XKR6: variants seen among roughly 807,000 people sequenced by gnomAD.
The protein encoded by XKR6 is XK related 6.
A neutral mutation model predicts 56.7 loss-of-function variants in XKR6; 22 were observed. The ratio of observed to expected loss-of-function variants is 0.39; its 90% CI spans 0.28 to 0.55. XKR6 has a LOEUF of 0.55. XKR6 is among the 20% of genes least tolerant of loss of function. XKR6 has a pLI of 0.66. For missense variants in XKR6, 852 were observed against 889.0 expected, an observed-to-expected ratio of 0.96 and a Z score of 0.53; for synonymous variants, 524 against 387.8, an observed-to-expected ratio of 1.35 and a Z score of -4.13.
chr8:11,043,280 G>A (rs1008655325), intron 1 of XKR6, among the ~76,000 whole-genome samples: 2 of 152,140 alleles, frequency 1.3e-5, no homozygotes, highest in African/African-American at 4.8e-5. Flanking sequence ...AGGATGCGAG[G>A]TGGGGTGTTG....
intron 1 of XKR6, among the ~76,000 whole-genome samples, chr8:11,093,417 C>T (rs994428832): frequency 3.9e-5 from 6 of 152,280 alleles, no homozygotes; most frequent in East Asian, 1.9e-4. Context: ...GCCCTTAGCA[C>T]GAAGATGGCT....
intron 1 of XKR6, chr8:11,104,894 CAT>C (rs1798619987): frequency 1.3e-5 from 2 of 152,324 alleles, no homozygotes; most frequent in Admixed American, 1.3e-4. Context: ...TGCTTTTTCA[CAT>C]ATAACTTTTG....
At chr8:10,921,337 T>C (rs1800709840) in intron 2 of XKR6, among the ~76,000 whole-genome samples, 1 of 152,190 alleles carries the variant, frequency 6.6e-6, no homozygotes, top group Non-Finnish European at 1.5e-5. Context: ...TGCCAGCCCA[T>C]AAACTCCTGA....
At chr8:10,908,607 T>C (rs1800250809) in intron 2 of XKR6, among the ~76,000 whole-genome samples, 1 of 152,146 alleles carries the variant, frequency 6.6e-6, no homozygotes, top group Admixed American at 6.5e-5. Context: ...AAATGTCACC[T>C]TCTCACCAAG....
At chr8:11,092,727 G>C (rs1798117634) in intron 1 of XKR6, among the ~76,000 whole-genome samples, 1 of 152,192 alleles carries the variant, frequency 6.6e-6, no homozygotes, top group African/African-American at 2.4e-5. Flanking sequence ...GGCTTCTGGA[G>C]GAATCTTGGC....
intron 1 of XKR6, among the ~76,000 whole-genome samples, chr8:11,069,098 G>A (rs535450186): frequency 9.2e-5 from 14 of 152,138 alleles, no homozygotes; most frequent in African/African-American, 2.2e-4. Flanking sequence ...AGCTGAGACC[G>A]ATACCACAAT....
chr8:10,946,054 C>G (rs529766260), intron 1 of XKR6, among the ~76,000 whole-genome samples: 1 of 151,892 alleles, frequency 6.6e-6, no homozygotes, highest in Non-Finnish European at 1.5e-5. Context: ...GAGTTGTGAC[C>G]GCTGCCATGC....
chr8:11,167,907 A>C (rs1802167548), intron 1 of XKR6, among the ~76,000 whole-genome samples: 2 of 151,276 alleles, frequency 1.3e-5, no homozygotes, highest in South Asian at 2.1e-4. Context: ...AAAAAAAAAA[A>C]AAAAACCACA....
intron 1 of XKR6, among the ~76,000 whole-genome samples, chr8:11,009,320 G>A (rs544558171): frequency 6.6e-6 from 1 of 152,164 alleles, no homozygotes; most frequent in Non-Finnish European, 1.5e-5. Flanking sequence ...AGACCGGCCT[G>A]GGTAACATGG....
intron 1 of XKR6, among the ~76,000 whole-genome samples, chr8:10,925,740 G>A (rs1050429609): frequency 6.6e-5 from 10 of 152,290 alleles, no homozygotes; most frequent in Non-Finnish European, 1.2e-4. Context: ...GCATCGCAGG[G>A]TGCATGGGAA....
At chr8:10,966,124 G>C (rs979684538) in intron 1 of XKR6, among the ~76,000 whole-genome samples, 1 of 152,196 alleles carries the variant, frequency 6.6e-6, no homozygotes, top group South Asian at 2.1e-4. Context: ...GCACAGCAGC[G>C]GTTCTCAAAC....
chr8:11,176,661 C>T (rs1191783304), intron 1 of XKR6, among the ~76,000 whole-genome samples: 2 of 152,138 alleles, frequency 1.3e-5, no homozygotes, highest in Admixed American at 1.3e-4. Flanking sequence ...AAGTCGGCCC[C>T]AGCCACTCTG....
chr8:11,058,964 G>A (rs1212740368), intron 1 of XKR6, among the ~76,000 whole-genome samples: 1 of 152,252 alleles, frequency 6.6e-6, no homozygotes, highest in Non-Finnish European at 1.5e-5. Context: ...TTCGCAGCCA[G>A]GTGGGTGGGA....
intron 1 of XKR6, among the ~76,000 whole-genome samples, chr8:11,174,839 C>A (rs563665467): frequency 6.6e-6 from 1 of 152,182 alleles, no homozygotes; most frequent in Admixed American, 6.5e-5. Flanking sequence ...GGATGATCAA[C>A]GGACCCCTTC....
chr8:11,103,776 T>C (rs960603127), intron 1 of XKR6, among the ~76,000 whole-genome samples: 24 of 152,208 alleles, frequency 1.6e-4, no homozygotes, highest in African/African-American at 5.1e-4. Flanking sequence ...AAACTGCAAA[T>C]CGACACAATT....
chr8:10,994,274 C>T (rs1277181482), intron 1 of XKR6, among the ~76,000 whole-genome samples: 1 of 152,226 alleles, frequency 6.6e-6, no homozygotes, highest in Non-Finnish European at 1.5e-5. Context: ...TTTTGAGTTG[C>T]TGCACTGTCT....
intron 1 of XKR6, chr8:11,106,593 A>C (rs1343096923): frequency 1.3e-5 from 2 of 152,474 alleles, no homozygotes; most frequent in Non-Finnish European, 2.9e-5. Flanking sequence ...TCATGCCTGT[A>C]ATCCCAGCAC....
intron 1 of XKR6, among the ~76,000 whole-genome samples, chr8:10,939,259 A>G (rs1203478090): frequency 1.3e-5 from 2 of 152,228 alleles, no homozygotes; most frequent in African/African-American, 2.4e-5. Context: ...GAGCCCTGGC[A>G]GAGAAGAATC....
intron 1 of XKR6, among the ~76,000 whole-genome samples, chr8:11,111,223 C>A (rs534106923): frequency 6.6e-6 from 1 of 152,138 alleles, no homozygotes; most frequent in South Asian, 2.1e-4. Flanking sequence ...TCCTCCCTTC[C>A]ATTCACACTG....
Sources: gnomAD v4.1 joint callset for allele counts (sites outside exome capture counted in the v4.1 genomes callset) on GRCh38, gnomAD v4.1.1 for gene constraint, MANE v1.5 for transcripts, NCBI Gene and HGNC (gene_info 2026-07-23, HGNC 2026-07-21) for gene names.